The following XYLT1 variants were observed in gnomAD, a reference collection of about 807,000 sequenced individuals.
The protein encoded by XYLT1 is xylosyltransferase 1, also known as beta-D-xylosyltransferase 1.
A neutral mutation model predicts 91.3 loss-of-function variants in XYLT1; 36 were observed. The observed-to-expected ratio is 0.39, with a 90% CI of 0.30 to 0.52. The LOEUF (loss-of-function observed/expected upper bound fraction) is 0.52, where lower values mean the gene tolerates loss of function less well. XYLT1 is among the 20% of genes least tolerant of loss of function. The probability of loss-of-function intolerance (pLI) is 0.68; values close to 1 mark genes in which losing one functional copy is unlikely to be tolerated. For missense variants in XYLT1, 1,242 were observed against 1,284.5 expected (o/e 0.97, Z 0.51); for synonymous variants, 588 against 532.0 (o/e 1.11, Z -1.45).
chr16:17,114,696 C>G (rs532541857), intron 11 of XYLT1, among the ~76,000 whole-genome samples: 180 of 152,144 alleles, frequency 1.2e-3, no homozygotes, highest in Non-Finnish European at 1.9e-3. Context: ...AGCTAAGAGG[C>G]TGTAATGCAT....
chr16:17,461,858 T>C (rs754600726), intron 1 of XYLT1, among the ~76,000 whole-genome samples: 1 of 152,224 alleles, frequency 6.6e-6, no homozygotes, highest in Non-Finnish European at 1.5e-5. Flanking sequence ...TTAGTTTTCA[T>C]TATTTCAATC....
chr16:17,298,003 G>A (rs1272035882), intron 2 of XYLT1, among the ~76,000 whole-genome samples: 1 of 150,662 alleles, frequency 6.6e-6, no homozygotes, highest in Non-Finnish European at 1.5e-5. Flanking sequence ...CCTGGGCGAC[G>A]AGCGAGACTC....
At chr16:17,201,022 T>G (rs1036371078) in intron 3 of XYLT1, among the ~76,000 whole-genome samples, 2 of 152,252 alleles carry the variant, frequency 1.3e-5, no homozygotes, top group Non-Finnish European at 2.9e-5. Flanking sequence ...GAACGTAAGA[T>G]ACATGTGTTG....
intron 1 of XYLT1, among the ~76,000 whole-genome samples, chr16:17,390,065 T>A (rs1398542068): frequency 6.6e-6 from 1 of 152,190 alleles, no homozygotes; most frequent in African/African-American, 2.4e-5. Flanking sequence ...ATCTTCAGCA[T>A]CTCCTCACAA....
chr16:17,247,374 G>A (rs73523168), intron 3 of XYLT1, among the ~76,000 whole-genome samples: 5,736 of 152,088 alleles, frequency 0.038, 364 homozygotes, highest in African/African-American at 0.13. Flanking sequence ...CTCATGGAAC[G>A]CCAAGAAAAT....
chr16:17,299,606 T>C (rs1157373377), intron 2 of XYLT1, among the ~76,000 whole-genome samples: 4 of 152,162 alleles, frequency 2.6e-5, no homozygotes, highest in Non-Finnish European at 4.4e-5. Flanking sequence ...GGTCGCCATA[T>C]GTGGGAGTTG....
At chr16:17,333,141 A>C (rs911657633) in intron 2 of XYLT1, among the ~76,000 whole-genome samples, 16 of 152,128 alleles carry the variant, frequency 1.1e-4, no homozygotes, top group African/African-American at 3.6e-4. Flanking sequence ...TCTCTGGCTC[A>C]ACTCTGACCC....
chr16:17,144,162 C>G (rs1043690865), intron 6 of XYLT1, among the ~76,000 whole-genome samples: 10 of 152,196 alleles, frequency 6.6e-5, no homozygotes, highest in African/African-American at 2.2e-4. Context: ...CTACAAGCTT[C>G]ATGTGAGCTA....
rs1032987538 is a variant in XYLT1, at chr16:17,107,137, C to G, written c.*1558G>C. On this transcript the variant is annotated 3_prime_UTR_variant, in exon 12 of 12. Coordinates refer to ENST00000261381, the MANE Select transcript of XYLT1 (RefSeq NM_022166.4). ...AAATATCTAAAGTGTCCCTTCTCTA[C>G]GTCCTCCATTGCCAACAGGACACCC... 2 of 152,184 alleles carry G rather than the reference C, an allele frequency of 1.3e-5. No individual in the cohort carries two copies. The highest frequency in any genetic ancestry group is 2.9e-5 in the Non-Finnish European group (2 of 68,040). The allele number at this position is 152,184 out of a possible 1,614,324, so 9.4% of individuals were successfully genotyped here. A position where few individuals can be genotyped will look rare whatever the true frequency, so the allele number is the denominator to read the frequency against.
At chr16:17,151,888 G>A (rs1407151340) in intron 6 of XYLT1, among the ~76,000 whole-genome samples, 1 of 152,160 alleles carries the variant, frequency 6.6e-6, no homozygotes, top group East Asian at 1.9e-4. Flanking sequence ...AGAAAAAGAA[G>A]CTCAAGTAGA....
chr16:17,203,092 C>A (rs921118608), intron 3 of XYLT1, among the ~76,000 whole-genome samples: 1 of 152,192 alleles, frequency 6.6e-6, no homozygotes, highest in African/African-American at 2.4e-5. Context: ...AGCTGAGATT[C>A]AAACACAGGT....
At chr16:17,348,336 G>A (rs2035174503) in intron 2 of XYLT1, among the ~76,000 whole-genome samples, 1 of 152,074 alleles carries the variant, frequency 6.6e-6, no homozygotes, top group Non-Finnish European at 1.5e-5. Context: ...TGAACGACTG[G>A]GCAAATTGTT....
intron 2 of XYLT1, among the ~76,000 whole-genome samples, chr16:17,281,277 C>T (rs2034054850): frequency 1.3e-5 from 2 of 151,752 alleles, no homozygotes; most frequent in African/African-American, 4.8e-5. Flanking sequence ...CATGCAGCAT[C>T]CAGGGGAGTG....
At chr16:17,418,090 C>T (rs2036202723) in intron 1 of XYLT1, among the ~76,000 whole-genome samples, 3 of 152,208 alleles carry the variant, frequency 2.0e-5, no homozygotes, top group Admixed American at 2.0e-4. Flanking sequence ...AAAGAACCAT[C>T]CAGCCACGTC....
At chr16:17,410,220 G>A (rs1186793224) in intron 1 of XYLT1, among the ~76,000 whole-genome samples, 1 of 152,200 alleles carries the variant, frequency 6.6e-6, no homozygotes, top group Non-Finnish European at 1.5e-5. Context: ...GTGTATTAGA[G>A]CCATAAGTGC....
intron 1 of XYLT1, among the ~76,000 whole-genome samples, chr16:17,385,267 CAT>C (rs1491571800): frequency 0.2 from 20,208 of 101,066 alleles, 1,471 homozygotes; most frequent in Middle Eastern, 0.26. Flanking sequence ...CATAAACACA[CAT>C]ACACACACAC....
chr16:17,396,272 T>A (rs753694019), intron 1 of XYLT1, among the ~76,000 whole-genome samples: 10 of 152,206 alleles, frequency 6.6e-5, no homozygotes, highest in Non-Finnish European at 1.5e-4. Context: ...AATACAGAGA[T>A]GACGTGAAAT....
At chr16:17,375,995 G>A (rs978802524) in intron 1 of XYLT1, among the ~76,000 whole-genome samples, 4 of 152,244 alleles carry the variant, frequency 2.6e-5, no homozygotes, top group East Asian at 3.8e-4. Flanking sequence ...GTTTGCTTGC[G>A]TCAGAGCCTG....
chr16:17,323,914 A>C (rs1466991630), intron 2 of XYLT1, among the ~76,000 whole-genome samples: 7 of 152,230 alleles, frequency 4.6e-5, no homozygotes, highest in Admixed American at 2.0e-4. Context: ...TAGCTTTAAA[A>C]CATTTAACTT....
Sources: allele counts gnomAD v4.1 joint callset (sites outside exome capture counted in the v4.1 genomes callset), GRCh38; gene constraint gnomAD v4.1.1; transcripts MANE v1.5; gene names NCBI Gene and HGNC (gene_info 2026-07-23, HGNC 2026-07-21).